Variants in PTGER4 observed in about 807,000 individuals in gnomAD.
PTGER4 encodes the protein prostaglandin E receptor 4.
Under a neutral mutation model 33.2 loss-of-function variants are expected in PTGER4, and 11 were observed. The ratio of observed to expected loss-of-function variants is 0.33; its 90% confidence interval spans 0.21 to 0.55. PTGER4 has a LOEUF of 0.55. PTGER4 is among the 20% of genes least tolerant of loss of function. The probability of loss-of-function intolerance (pLI) is 0.92; values close to 1 mark genes in which losing one functional copy is unlikely to be tolerated. For missense variants in PTGER4, 481 were observed against 650.2 expected, an observed-to-expected ratio of 0.74 and a Z score of 2.83; for synonymous variants, 275 against 281.5, an observed-to-expected ratio of 0.98 and a Z score of 0.23.
downstream of PTGER4, among the ~76,000 whole-genome samples, chr5:40,698,092 C>CAAAAAA (rs1156254550): frequency 0.076 from 3,031 of 39,976 alleles, 492 homozygotes; most frequent in East Asian, 0.26. Context: ...CCTGTCTCTA[C>CAAAAAA]AAAAAAAAAA....
At chr5:40,729,103 C>T in the PTGER4 span, among the ~76,000 whole-genome samples, 1 of 152,144 alleles carries the variant, frequency 6.6e-6, no homozygotes, top group African/African-American at 2.4e-5. Context: ...ATTTGTGATA[C>T]AAACATTATT....
At chr5:40,729,271 T>G in the PTGER4 span, among the ~76,000 whole-genome samples, 3 of 152,182 alleles carry the variant, frequency 2.0e-5, no homozygotes, top group Non-Finnish European at 2.9e-5. Context: ...TAAACTAAAG[T>G]CAAAGGTGAC....
the PTGER4 span, among the ~76,000 whole-genome samples, chr5:40,742,489 A>G: frequency 6.6e-6 from 1 of 152,224 alleles, no homozygotes; most frequent in Non-Finnish European, 1.5e-5. Flanking sequence ...CTTGCCTAAT[A>G]TTGCAAAGCT....
At chr5:40,733,104 T>C in the PTGER4 span, among the ~76,000 whole-genome samples, 53,071 of 152,082 alleles carry the variant, frequency 0.35, 10,187 homozygotes, top group Admixed American at 0.45. Context: ...TTTGTTCCGT[T>C]CATTATTTCA....
chr5:40,715,091 T>C, the PTGER4 span: 8 of 152,124 alleles, frequency 5.3e-5, no homozygotes, highest in African/African-American at 9.6e-5. Context: ...TTTCTATGTA[T>C]TTTGTGCTTA....
At chr5:40,722,539 G>T in the PTGER4 span, among the ~76,000 whole-genome samples, 2 of 151,016 alleles carry the variant, frequency 1.3e-5, no homozygotes, top group Non-Finnish European at 3.0e-5. Context: ...AATGTGAGGA[G>T]CGCCTCTGCC....
chr5:40,711,476 A>C, the PTGER4 span, among the ~76,000 whole-genome samples: 1 of 152,264 alleles, frequency 6.6e-6, no homozygotes, highest in Non-Finnish European at 1.5e-5. Flanking sequence ...AAAGTTTGGC[A>C]GTTTCCTTTA....
chr5:40,709,829 A>T, the PTGER4 span, among the ~76,000 whole-genome samples: 3 of 152,388 alleles, frequency 2.0e-5, no homozygotes, highest in East Asian at 1.9e-4. Flanking sequence ...CTGGTACCAA[A>T]ACAGAGATAC....
chr5:40,732,577 A>G, the PTGER4 span, among the ~76,000 whole-genome samples: 19 of 151,934 alleles, frequency 1.3e-4, no homozygotes, highest in South Asian at 2.1e-4. Flanking sequence ...TACCCAGAAC[A>G]TTTCTGGGAA....
chr5:40,722,461 G>A, the PTGER4 span, among the ~76,000 whole-genome samples: 2 of 151,496 alleles, frequency 1.3e-5, no homozygotes, highest in East Asian at 3.9e-4. Flanking sequence ...AGGAAGTGAG[G>A]AGCCTCTCTG....
the PTGER4 span, among the ~76,000 whole-genome samples, chr5:40,744,017 T>G: frequency 1.3e-5 from 2 of 152,216 alleles, no homozygotes; most frequent in Non-Finnish European, 2.9e-5. Context: ...GGGAATCCGA[T>G]GGCAATAACA....
the PTGER4 span, among the ~76,000 whole-genome samples, chr5:40,740,295 T>G: frequency 6.6e-6 from 1 of 151,728 alleles, no homozygotes; most frequent in Admixed American, 6.6e-5. Flanking sequence ...TTTCCTTCTA[T>G]GTAAAGAATT....
At chr5:40,738,364 G>A in the PTGER4 span, among the ~76,000 whole-genome samples, 1 of 151,334 alleles carries the variant, frequency 6.6e-6, no homozygotes, top group Admixed American at 6.6e-5. Flanking sequence ...GCAGTGAGCT[G>A]AGATCATGCC....
At chr5:40,704,948 A>G in the PTGER4 span, among the ~76,000 whole-genome samples, 1 of 152,228 alleles carries the variant, frequency 6.6e-6, no homozygotes, top group Non-Finnish European at 1.5e-5. Context: ...TACCAATGGC[A>G]TTCTTCACAT....
the PTGER4 span, among the ~76,000 whole-genome samples, chr5:40,702,874 T>A: frequency 6.6e-6 from 1 of 152,122 alleles, no homozygotes; most frequent in South Asian, 2.1e-4. Flanking sequence ...CTCAAAACCA[T>A]AAAATTACAT....
chr5:40,740,004 C>T, the PTGER4 span, among the ~76,000 whole-genome samples: 1 of 151,820 alleles, frequency 6.6e-6, no homozygotes, highest in East Asian at 1.9e-4. Flanking sequence ...GCTTATAAGC[C>T]TTTTATTATT....
chr5:40,680,565 G>T lies in PTGER4; in HGVS notation c.-44+87G>T. ...GCCGAAGAGAGCCAAGAAGGGAAGA[G>T]CGCGCTCTCCAAATTGCTTTTGTAA... On this transcript the variant is annotated intron_variant, in intron 1 of 2. Transcript: ENST00000302472. The surrounding 1 kb of genome is among the most constrained non-coding windows in gnomAD (Gnocchi z 5.5). 1.3e-5 allele frequency: 2 copies of T among 159,066 alleles called. No individual in the cohort carries two copies. The highest frequency in any genetic ancestry group is 1.7e-4 in the South Asian group (1 of 5,740). The allele number at this position is 159,066 out of a possible 1,614,324, so 9.9% of individuals were successfully genotyped here. A position where few individuals can be genotyped will look rare whatever the true frequency, so the allele number is the denominator to read the frequency against.
chr5:40,721,325 T>C, the PTGER4 span, among the ~76,000 whole-genome samples: 1 of 152,052 alleles, frequency 6.6e-6, no homozygotes, highest in Non-Finnish European at 1.5e-5. Flanking sequence ...AGAACAAAAC[T>C]AGGGGCATCA....
the PTGER4 span, among the ~76,000 whole-genome samples, chr5:40,736,333 T>C: frequency 6.6e-6 from 1 of 152,200 alleles, no homozygotes; most frequent in African/African-American, 2.4e-5. Flanking sequence ...CACAGCAAGA[T>C]CACCCTCAAA....
Sources: gnomAD v4.1 joint callset for allele counts (sites outside exome capture counted in the v4.1 genomes callset) on GRCh38, gnomAD v4.1.1 for gene constraint, Gnocchi (gnomAD v3.1) non-coding constraint, MANE v1.5 for transcripts, NCBI Gene and HGNC (gene_info 2026-07-23, HGNC 2026-07-21) for gene names.